The following CHCHD3 variants were observed in gnomAD, a reference collection of about 807,000 sequenced individuals.
The protein encoded by CHCHD3 is coiled-coil-helix-coiled-coil-helix domain containing 3.
CHCHD3 carries 20 observed loss-of-function variants against 38.2 expected under a neutral mutation model. That is an observed-to-expected ratio of 0.52 (90% confidence interval 0.37 to 0.76). The LOEUF (loss-of-function observed/expected upper bound fraction) is 0.76, where lower values mean the gene tolerates loss of function less well. Among genes scored for constraint, CHCHD3 ranks in the 30% least tolerant of loss-of-function variants. The probability of loss-of-function intolerance (pLI) is 0.00; values close to 1 mark genes in which losing one functional copy is unlikely to be tolerated. For missense variants in CHCHD3, 245 were observed against 279.2 expected (o/e 0.88, Z 0.87); for synonymous variants, 82 against 100.0 (o/e 0.82, Z 1.07).
At chr7:132,864,013 T>A (rs1308455354) in intron 5 of CHCHD3, among the ~76,000 whole-genome samples, 1 of 152,246 alleles carries the variant, frequency 6.6e-6, no homozygotes, top group East Asian at 1.9e-4. Context: ...CACTTTCTTA[T>A]CATTGATGTG....
intron 2 of CHCHD3, among the ~76,000 whole-genome samples, chr7:133,045,438 A>G (rs952950001): frequency 1.3e-5 from 2 of 152,204 alleles, no homozygotes; most frequent in African/African-American, 4.8e-5. Flanking sequence ...ACTCTCTATG[A>G]CAGTCACCCT....
chr7:132,963,086 G>A, intron 4 of CHCHD3, among the ~76,000 whole-genome samples: 1 of 150,718 alleles, frequency 6.6e-6, no homozygotes, highest in South Asian at 2.1e-4. Context: ...AGAGGCAGAA[G>A]TATTAAGAGG....
chr7:132,807,527 ATTAC>A (rs918011497), intron 6 of CHCHD3, among the ~76,000 whole-genome samples: 165 of 150,018 alleles, frequency 1.1e-3, no homozygotes, highest in African/African-American at 3.8e-3. Flanking sequence ...GACAGCAATG[ATTAC>A]TTATTCTGCA....
chr7:132,894,535 T>C (rs1809445576), intron 4 of CHCHD3, among the ~76,000 whole-genome samples: 1 of 152,232 alleles, frequency 6.6e-6, no homozygotes, highest in Non-Finnish European at 1.5e-5. Flanking sequence ...TTGTTTTTGC[T>C]TTTACCTTGT....
At chr7:133,079,509 T>C (rs1242049696) in intron 1 of CHCHD3, among the ~76,000 whole-genome samples, 2 of 152,220 alleles carry the variant, frequency 1.3e-5, no homozygotes, top group Non-Finnish European at 2.9e-5. Context: ...ATCATAATAA[T>C]GGCTGCCTTT....
intron 6 of CHCHD3, among the ~76,000 whole-genome samples, chr7:132,803,338 G>C (rs1806835851): frequency 6.6e-6 from 1 of 151,158 alleles, no homozygotes; most frequent in South Asian, 2.1e-4. Flanking sequence ...TAGGTTTCAG[G>C]GTCAAGAAAA....
chr7:132,959,846 T>A (rs1285724097), intron 4 of CHCHD3, among the ~76,000 whole-genome samples: 1 of 152,188 alleles, frequency 6.6e-6, no homozygotes, highest in Non-Finnish European at 1.5e-5. Context: ...CAGCCTTTGC[T>A]ATTTGCCAGA....
chr7:132,844,970 G>C (rs1808039482), intron 5 of CHCHD3: 1 of 152,224 alleles, frequency 6.6e-6, no homozygotes. Flanking sequence ...TGTGTGGGGA[G>C]ACTGAATGCT....
chr7:132,879,013 C>A (rs759870049), intron 5 of CHCHD3, among the ~76,000 whole-genome samples: 12 of 152,040 alleles, frequency 7.9e-5, no homozygotes, highest in Non-Finnish European at 1.5e-4. Context: ...AAGATCCTGA[C>A]ATGGGAAAGA....
intron 5 of CHCHD3, among the ~76,000 whole-genome samples, chr7:132,850,317 A>G (rs1488368154): frequency 6.6e-6 from 1 of 152,198 alleles, no homozygotes; most frequent in African/African-American, 2.4e-5. Flanking sequence ...TGCTTTTATA[A>G]TTACCCTTTC....
intron 4 of CHCHD3, among the ~76,000 whole-genome samples, chr7:132,909,358 G>C (rs1424743926): frequency 6.6e-6 from 1 of 152,124 alleles, no homozygotes; most frequent in Non-Finnish European, 1.5e-5. Context: ...GCCAGGTGTG[G>C]TGCGCATCTG....
chr7:133,018,915 C>T (rs1311640782), intron 3 of CHCHD3, among the ~76,000 whole-genome samples: 4 of 96,578 alleles, frequency 4.1e-5, no homozygotes, highest in Admixed American at 1.6e-4. Context: ...CGGAGTTTCG[C>T]TCTTATTGCC....
At chr7:132,802,908 C>T (rs377219283) in intron 6 of CHCHD3, among the ~76,000 whole-genome samples, 3 of 152,024 alleles carry the variant, frequency 2.0e-5, no homozygotes, top group Non-Finnish European at 2.9e-5. Context: ...TAACAAATTG[C>T]GCTTTCGTCT....
chr7:132,850,450 GT>G (rs75016148), intron 5 of CHCHD3, among the ~76,000 whole-genome samples: 1,452 of 132,940 alleles, frequency 0.011, 17 homozygotes, highest in African/African-American at 0.036. Context: ...TTTTTTTTTT[GT>G]TTTTTTTTTT....
intron 4 of CHCHD3, among the ~76,000 whole-genome samples, chr7:132,915,259 G>C (rs1276164278): frequency 6.6e-6 from 1 of 152,154 alleles, no homozygotes; most frequent in Non-Finnish European, 1.5e-5. Context: ...AGGAGGAACG[G>C]ACTTTGGGGA....
chr7:132,799,247 C>T (rs117365636), intron 6 of CHCHD3, among the ~76,000 whole-genome samples: 2,597 of 152,202 alleles, frequency 0.017, 35 homozygotes, highest in Non-Finnish European at 0.027. Flanking sequence ...GTTATACTGC[C>T]CTAATGCACT....
intron 2 of CHCHD3, among the ~76,000 whole-genome samples, chr7:133,025,568 G>A (rs1242101284): frequency 9.2e-5 from 14 of 152,292 alleles, no homozygotes; most frequent in East Asian, 1.9e-4. Context: ...GCAGTGGCAC[G>A]ATCTTAGCTC....
At chr7:132,991,974 C>T (rs117179564) in intron 3 of CHCHD3, among the ~76,000 whole-genome samples, 122 of 152,224 alleles carry the variant, frequency 8.0e-4, no homozygotes, top group African/African-American at 2.6e-3. Flanking sequence ...CATTTGGCTA[C>T]GACTCTCAGC....
In CHCHD3 at chr7:132,788,056, TGTCACAGC is replaced by T. The variant is rs1385136435; in HGVS notation, c.661-2404_661-2397del. Among the ~76,000 whole-genome samples, 2 of 152,160 alleles carry T rather than the reference TGTCACAGC, an allele frequency of 1.3e-5. No homozygotes were observed. The highest frequency in any genetic ancestry group is 2.4e-5 in the African/African-American group (1 of 41,434). On this transcript the variant is annotated intron_variant, in intron 7 of 7. Transcript: ENST00000262570. This position sits in a 1 kb window ranked among gnomAD's most constrained non-coding sequence, Gnocchi z 4.0. ...CCATGTAAGAGACACCACCTGGCAG[TGTCACAGC>T]GTCACAGCATCTCAGCTATGCTCAC...
Sources: allele counts gnomAD v4.1 joint callset (sites outside exome capture counted in the v4.1 genomes callset), GRCh38; gene constraint gnomAD v4.1.1; non-coding constraint Gnocchi (gnomAD v3.1); transcripts MANE v1.5; gene names NCBI Gene and HGNC (gene_info 2026-07-23, HGNC 2026-07-21).